The following CFAP47 variants were observed in gnomAD, a reference collection of about 807,000 sequenced individuals.
CFAP47 encodes the protein cilia and flagella associated protein 47.
CFAP47 carries 29 observed loss-of-function variants against 148.1 expected under a neutral mutation model. The observed-to-expected ratio is 0.20, with a 90% CI of 0.15 to 0.27. The LOEUF (loss-of-function observed/expected upper bound fraction) is 0.27. Among genes scored for constraint, CFAP47 ranks in the 10% least tolerant of loss-of-function variants. The probability of loss-of-function intolerance (pLI) is 1.00; values close to 1 mark genes in which losing one functional copy is unlikely to be tolerated. For synonymous variants in CFAP47, 664 were observed against 577.3 expected (o/e 1.15, Z -2.15); for missense variants, 1,872 against 1,697.5 (o/e 1.10, Z -1.81).
In CFAP47 at chrX:35,953,602, G is replaced by A. The variant is rs1936199166; in HGVS notation, c.1057G>A (p.Val353Ile). The change falls in exon 7 of 64, where the codon GTT becomes ATT. Residue 353 changes from valine to isoleucine, a missense_variant. Transcript: ENST00000378653. ...GTGATTTTTTTACAGGCTAATGGCT[G>A]TTGGTAAAAAGGATATTGGACCTTC... ...TFCFTPKLMA[V>I]GKKDIGPSYR... is the part of the protein sequence containing the mutation. 2 of 1,188,120 alleles carry A rather than the reference G, an allele frequency of 1.7e-6. No individual in the cohort carries two copies. Among genetic ancestry groups the A allele is most frequent in the Non-Finnish European group, 2.3e-6 (2 of 882,871 alleles).
chrX:36,149,472 T>G (rs1455533475), intron 37 of CFAP47, among the ~76,000 whole-genome samples: 1 of 110,601 alleles, frequency 9.0e-6, no homozygotes, highest in African/African-American at 3.3e-5. Context: ...ATACGGGTCA[T>G]AGAAACAAGA....
At chrX:36,153,192 G>A (rs777633595) in intron 37 of CFAP47, among the ~76,000 whole-genome samples, 15 of 111,879 alleles carry the variant, frequency 1.3e-4, no homozygotes, top group Non-Finnish European at 2.1e-4. Flanking sequence ...ATACAATGAT[G>A]GAATAGGCGT....
intron 50 of CFAP47, among the ~76,000 whole-genome samples, chrX:36,284,075 A>T (rs1941107520): frequency 8.9e-6 from 1 of 112,182 alleles, no homozygotes; most frequent in Non-Finnish European, 1.9e-5. Flanking sequence ...ACTTTGATTT[A>T]TTTTGGGAGA....
intron 61 of CFAP47, among the ~76,000 whole-genome samples, chrX:36,364,853 T>A (rs1475405688): frequency 3.0e-5 from 3 of 100,177 alleles, no homozygotes; most frequent in Non-Finnish European, 6.1e-5. Flanking sequence ...CATCAAATTT[T>A]GTAAGTGTTA....
At chrX:36,371,596 T>C (rs906967249) in intron 62 of CFAP47, among the ~76,000 whole-genome samples, 7 of 92,431 alleles carry the variant, frequency 7.6e-5, no homozygotes, top group African/African-American at 2.7e-4. Context: ...TGTATACATG[T>C]GTGTATATAT....
At chrX:36,023,317 C>T (rs1255424955) in intron 22 of CFAP47, among the ~76,000 whole-genome samples, 3 of 111,947 alleles carry the variant, frequency 2.7e-5, no homozygotes, top group Non-Finnish European at 5.6e-5. Context: ...TGAACAGAGT[C>T]TCTCTCTCTG....
intron 35 of CFAP47, among the ~76,000 whole-genome samples, chrX:36,141,438 C>T (rs1401397659): frequency 9.0e-6 from 1 of 111,427 alleles, no homozygotes; most frequent in East Asian, 2.8e-4. Context: ...ACCTGTTTGT[C>T]CCAGCCCCAG....
chrX:36,144,812 C>T (rs761418486), intron 35 of CFAP47: 24 of 1,022,517 alleles, frequency 2.3e-5, no homozygotes, highest in Admixed American at 1.3e-4. Context: ...ACATCTGATT[C>T]CAGGTTTTTC....
At chrX:36,304,094 T>A in intron 54 of CFAP47, 134 bp downstream of exon 54, 1 of 374,004 alleles carries the variant, frequency 2.7e-6, no homozygotes, top group Non-Finnish European at 4.7e-6. Context: ...AGAATTGAAT[T>A]TTATAGGCCC....
intron 39 of CFAP47, among the ~76,000 whole-genome samples, chrX:36,174,978 T>G (rs1283228887): frequency 8.9e-6 from 1 of 112,208 alleles, no homozygotes; most frequent in Non-Finnish European, 1.9e-5. Flanking sequence ...AGTCCCATAT[T>G]TCTTGGAGGC....
intron 60 of CFAP47, among the ~76,000 whole-genome samples, chrX:36,358,229 A>C (rs997256466): frequency 8.9e-6 from 1 of 112,355 alleles, no homozygotes; most frequent in African/African-American, 3.2e-5. Flanking sequence ...TACAGCAGTC[A>C]TATCTGTGTT....
chrX:36,101,595 C>T (rs1601978153), intron 32 of CFAP47, among the ~76,000 whole-genome samples: 1 of 111,703 alleles, frequency 9.0e-6, no homozygotes, highest in East Asian at 2.8e-4. Context: ...TCTCAAGTAA[C>T]TTGGATGTCC....
rs1487676086 is a variant in CFAP47 at position 36,035,862 on chromosome X, A to G, written c.3811+8A>G. ...CCATAAGTTTCTGTCCAAGTAAGAT[A>G]TTTTCTCCTATATTTGTAGTTATAC... On this transcript the variant is annotated splice_region_variant and intron_variant, in intron 24 of 63. Transcript: ENST00000378653. 6.8e-6 allele frequency: 2 copies of G among 293,075 alleles called. No individual in the cohort carries two copies. Among genetic ancestry groups the G allele is most frequent in the Non-Finnish European group, 1.2e-5 (2 of 168,353 alleles). 24.2% of individuals were successfully genotyped at this position (293,075 alleles called of 1,213,427 possible). A position where few individuals can be genotyped will look rare whatever the true frequency, so the allele number is the denominator to read the frequency against.
At chrX:36,331,561 C>T (rs954995557) in intron 57 of CFAP47, among the ~76,000 whole-genome samples, 9 of 111,769 alleles carry the variant, frequency 8.1e-5, no homozygotes, top group Admixed American at 3.8e-4. Context: ...CCCTCATTCT[C>T]TTCCTAATTT....
At chrX:36,168,284 A>G (rs1602023040) in intron 39 of CFAP47, among the ~76,000 whole-genome samples, 1 of 111,574 alleles carries the variant, frequency 9.0e-6, no homozygotes, top group African/African-American at 3.3e-5. Flanking sequence ...GAGTTTTTTA[A>G]TAGTTATTTT....
intron 3 of CFAP47, among the ~76,000 whole-genome samples, chrX:35,942,316 A>G (rs1936021990): frequency 9.0e-6 from 1 of 111,711 alleles, no homozygotes; most frequent in Non-Finnish European, 1.9e-5. Context: ...ATTGGGAATT[A>G]TGAAGACAAA....
At chrX:35,939,874 A>T (rs1261596587) in intron 2 of CFAP47, among the ~76,000 whole-genome samples, 2 of 99,985 alleles carry the variant, frequency 2.0e-5, no homozygotes, top group African/African-American at 7.4e-5. Flanking sequence ...CACCACACTG[A>T]CTTCCACAAG....
intron 18 of CFAP47, 122 bp from the exon 19 acceptor site, chrX:35,997,190 C>T (rs1482350146): frequency 4.0e-6 from 1 of 252,714 alleles, no homozygotes; most frequent in Non-Finnish European, 7.0e-6. Flanking sequence ...AAATCTTGTG[C>T]ATTTATAATA....
intron 45 of CFAP47, among the ~76,000 whole-genome samples, chrX:36,209,946 A>G (rs1327113164): frequency 9.0e-6 from 1 of 111,727 alleles, no homozygotes; most frequent in Non-Finnish European, 1.9e-5. Flanking sequence ...TCTAATGTCT[A>G]TCTCTATAGA....
Sources: allele counts gnomAD v4.1 joint callset (sites outside exome capture counted in the v4.1 genomes callset), GRCh38; gene constraint gnomAD v4.1.1; transcripts MANE v1.5; gene names NCBI Gene and HGNC (gene_info 2026-07-23, HGNC 2026-07-21).